The following B3GNT6 variants were observed in gnomAD, a reference collection of about 807,000 sequenced individuals.
B3GNT6 encodes the protein UDP-GlcNAc:betaGal beta-1,3-N-acetylglucosaminyltransferase 6.
For missense variants in B3GNT6, 624 were observed against 568.6 expected (o/e 1.10, Z -0.99); for synonymous variants, 300 against 270.0 (o/e 1.11, Z -1.09).
intron 1 of B3GNT6, among the ~76,000 whole-genome samples, chr11:77,036,246 G>C (rs782126691): frequency 6.6e-6 from 1 of 152,134 alleles, no homozygotes. Context: ...AGCTTATCTC[G>C]CAAGCCCTCT....
Position 77,040,954 on chromosome 11 carries a change from G to A in B3GNT6, c.*248G>A. Reference sequence around the variant, plus strand: ...ATTTTTTAAGTTCCTCCAGTGATGCGAATGTGCAGCTAGGCCTGAGGACCA... The same window carrying A: ...ATTTTTTAAGTTCCTCCAGTGATGCAAATGTGCAGCTAGGCCTGAGGACCA... On this transcript the variant is annotated 3_prime_UTR_variant, in exon 2 of 2. Transcript: ENST00000622824. 3 of 548,176 alleles carry A rather than the reference G, an allele frequency of 5.5e-6. No homozygotes were observed. The highest frequency in any genetic ancestry group is 5.9e-6 in the Non-Finnish European group (2 of 339,672). 34.0% of individuals were successfully genotyped at this position (548,176 alleles called of 1,614,324 possible).
chr11:77,038,328 G>A (rs1949655249), intron 1 of B3GNT6, among the ~76,000 whole-genome samples: 1 of 151,544 alleles, frequency 6.6e-6, no homozygotes, highest in South Asian at 2.1e-4. Flanking sequence ...TCGGGGCTGA[G>A]GTGGGAGGAT....
intron 1 of B3GNT6, among the ~76,000 whole-genome samples, chr11:77,034,772 T>G (rs1402790712): frequency 6.6e-6 from 1 of 152,162 alleles, no homozygotes; most frequent in Non-Finnish European, 1.5e-5. Context: ...TAGTATGGAA[T>G]GGGTGGGTGG....
rs372967129 is a variant in B3GNT6, at chr11:77,038,398, GA to G, written c.1-1135del. ...AATATAGTGGGAACCCGTCTCTACA[GA>G]AAAAAAAAAAAAAAAAAATTTAATG... On this transcript the variant is annotated intron_variant, in intron 1 of 1. Transcript: ENST00000622824. Among the ~76,000 whole-genome samples, 383 of 131,262 alleles carry G rather than the reference GA, an allele frequency of 2.9e-3. 1 individual carries two copies. Among genetic ancestry groups the G allele is most frequent in the South Asian group, 7.4e-3 (29 of 3,916 alleles). 86.1% of individuals were successfully genotyped at this position (131,262 alleles called of 152,430 possible). A position where few individuals can be genotyped will look rare whatever the true frequency, so the allele number is the denominator to read the frequency against.
At position 77,040,020 on chromosome 11, in the gene B3GNT6, T is replaced by C. The variant is rs1223622140; in HGVS notation, c.469T>C (p.Leu157=). The C allele has an allele frequency of 1.9e-6, 3 of 1,579,760 alleles. No individual in the cohort carries two copies. Among genetic ancestry groups the C allele is most frequent in the East Asian group, 2.3e-5 (1 of 43,610 alleles). Residue 157 remains leucine, a synonymous_variant, in exon 2 of 2, where the codon TTG becomes CTG. Transcript: ENST00000622824. ...GGRPVRRLFL[L]GTPGPEDEAR... ...GCGGCCAGTGCGCCGCCTCTTTCTATTGGGCACCCCGGGCCCCGAGGACGA... is the reference window on the plus strand; with the variant it reads ...GCGGCCAGTGCGCCGCCTCTTTCTACTGGGCACCCCGGGCCCCGAGGACGA...
intron 1 of B3GNT6, among the ~76,000 whole-genome samples, chr11:77,034,957 G>A (rs1032539770): frequency 1.1e-4 from 17 of 152,216 alleles, no homozygotes; most frequent in African/African-American, 3.6e-4. Context: ...TCAGGAGTTC[G>A]AGACCAGCCT....
At chr11:77,038,873 T>G (rs1181980913) in intron 1 of B3GNT6, among the ~76,000 whole-genome samples, 1 of 152,116 alleles carries the variant, frequency 6.6e-6, no homozygotes, top group African/African-American at 2.4e-5. Flanking sequence ...ACTGGCCACT[T>G]CATACTCATT....
intron 1 of B3GNT6, among the ~76,000 whole-genome samples, chr11:77,036,123 GT>G (rs1260050244): frequency 1.3e-5 from 2 of 152,112 alleles, no homozygotes; most frequent in African/African-American, 2.4e-5. Context: ...TCCAAATTCT[GT>G]TTTCATTCAT....
rs1949619128 is a variant in B3GNT6, at chr11:77,034,447, C to G, written c.-32C>G. On this transcript the variant is annotated 5_prime_UTR_variant, in exon 1 of 2. Transcript: ENST00000622824. ...GGCTAGTCTCAGGCTGGGGATGGCT[C>G]CTGTCTATTTCTTCTCTCTCAGAGA... The G allele has an allele frequency of 6.5e-6, 1 of 152,686 alleles. No individual in the cohort carries two copies. The highest frequency in any genetic ancestry group is 1.5e-5 in the Non-Finnish European group (1 of 68,154). The allele number at this position is 152,686 out of a possible 1,614,324, so 9.5% of individuals were successfully genotyped here. A position where few individuals can be genotyped will look rare whatever the true frequency, so the allele number is the denominator to read the frequency against.
At chr11:77,035,230 G>A (rs1301252969) in intron 1 of B3GNT6, among the ~76,000 whole-genome samples, 4 of 152,188 alleles carry the variant, frequency 2.6e-5, no homozygotes, top group African/African-American at 9.7e-5. Flanking sequence ...GCAGTTAGAG[G>A]ATCACAGAGG....
intron 1 of B3GNT6, among the ~76,000 whole-genome samples, chr11:77,036,318 C>G (rs979872174): frequency 6.6e-6 from 1 of 152,152 alleles, no homozygotes; most frequent in African/African-American, 2.4e-5. Context: ...ATATAATACT[C>G]TAGTATTTCT....
At chr11:77,039,322 G>C (rs1470521491) in intron 1 of B3GNT6, among the ~76,000 whole-genome samples, 1 of 152,174 alleles carries the variant, frequency 6.6e-6, no homozygotes, top group Non-Finnish European at 1.5e-5. Context: ...GGGCGGTGTT[G>C]TCAGGAGGCA....
chr11:77,040,630 C>T lies in B3GNT6; in HGVS notation c.1079C>T (p.Pro360Leu), dbSNP rs782430090. The change falls in exon 2 of 2, where the codon CCC (proline) becomes CTC (leucine). Residue 360 changes from proline (P) to leucine (L), a missense_variant. Pro to Leu is a moderately conservative substitution (Grantham distance 98). Coordinates refer to ENST00000622824, the MANE Select transcript of B3GNT6 (RefSeq NM_138706.5). ...TTGCTGCTAGTGCACCGCTTCGCGC[C>T]CTACGAGATGCTGCTCATGTGGAAG... Reference protein sequence around the residue: ...RELLLVHRFAPYEMLLMWKAL... With the variant: ...RELLLVHRFALYEMLLMWKAL... 3 of 1,600,552 alleles carry T rather than the reference C, an allele frequency of 1.9e-6. No homozygotes were observed. Among genetic ancestry groups the T allele is most frequent in the Non-Finnish European group, 2.5e-6 (3 of 1,179,120 alleles).
At position 77,040,029 on chromosome 11, in the gene B3GNT6, C is replaced by G; in HGVS notation, c.478C>G (p.Pro160Ala). The change falls in exon 2 of 2, where the codon CCG becomes GCG. Residue 160 changes from proline to alanine, a missense_variant. Coordinates refer to ENST00000622824, the MANE Select transcript of B3GNT6 (RefSeq NM_138706.5). Reference protein sequence around the residue: ...PVRRLFLLGTPGPEDEARAER... With the variant: ...PVRRLFLLGTAGPEDEARAER... ...GCGCCGCCTCTTTCTATTGGGCACC[C>G]CGGGCCCCGAGGACGAGGCGCGCGC... 6.3e-7 allele frequency: 1 copy of G among 1,578,980 alleles called. No individual in the cohort carries two copies. Among genetic ancestry groups the G allele is most frequent in the Non-Finnish European group, 8.5e-7 (1 of 1,171,210 alleles).
In B3GNT6 at chr11:77,040,674, C is replaced by T. The variant is rs1949680305; in HGVS notation, c.1123C>T (p.Leu375Phe). 1 of 1,594,974 alleles carries T rather than the reference C, an allele frequency of 6.3e-7. No homozygotes were observed. Among genetic ancestry groups the T allele is most frequent in the African/African-American group, 1.3e-5 (1 of 74,672 alleles). The part of the protein sequence containing the change: ...LMWKALHSPA[L>F]SCDRGHRVS Reference sequence around the variant, plus strand: ...GTGGAAGGCGCTGCACAGCCCCGCGCTCAGCTGTGACCGGGGACACCGGGT... The same window carrying T: ...GTGGAAGGCGCTGCACAGCCCCGCGTTCAGCTGTGACCGGGGACACCGGGT... The change falls in exon 2 of 2, where the codon CTC becomes TTC. Residue 375 changes from leucine to phenylalanine, a missense_variant. Coordinates refer to ENST00000622824, the MANE Select transcript of B3GNT6 (RefSeq NM_138706.5).
At chr11:77,035,984 A>G (rs950351259) in intron 1 of B3GNT6, among the ~76,000 whole-genome samples, 1 of 152,256 alleles carries the variant, frequency 6.6e-6, no homozygotes, top group Non-Finnish European at 1.5e-5. Flanking sequence ...GCACGTTAAC[A>G]TAAACAGGAT....
chr11:77,040,079 G>T lies in B3GNT6; in HGVS notation c.528G>T (p.Ala176=). The change falls in exon 2 of 2, where the codon GCG becomes GCT. Residue 176 remains alanine (A), a synonymous_variant. Coordinates refer to ENST00000622824, the MANE Select transcript of B3GNT6 (RefSeq NM_138706.5). ...ARAERLAELV[A]LEAREHGDVL... Reference sequence around the variant, plus strand: ...CGGAGCGGCTGGCGGAGCTGGTGGCGCTGGAGGCGCGCGAGCACGGCGACG... The same window carrying T: ...CGGAGCGGCTGGCGGAGCTGGTGGCTCTGGAGGCGCGCGAGCACGGCGACG... The T allele has an allele frequency of 6.3e-7, 1 of 1,586,212 alleles. No homozygotes were observed. The highest frequency in any genetic ancestry group is 2.3e-5 in the East Asian group (1 of 43,896).
chr11:77,039,649 C>T lies in B3GNT6; in HGVS notation c.98C>T (p.Ala33Val), dbSNP rs1555027395. The change falls in exon 2 of 2, where the codon GCG (alanine) becomes GTG (valine). Residue 33 changes from alanine to valine, a missense_variant. Coordinates refer to ENST00000622824, the MANE Select transcript of B3GNT6 (RefSeq NM_138706.5). ...FLALQQWFLQ[A>V]PRSPREERSP... ...GCACTGCAGCAGTGGTTCCTCCAGG[C>T]GCCAAGGTCCCCGCGGGAGGAGAGG... is the stretch of plus-strand genomic sequence containing the variant. 6.2e-7 allele frequency: 1 copy of T among 1,612,948 alleles called. No homozygotes were observed. The highest frequency in any genetic ancestry group is 1.1e-5 in the South Asian group (1 of 91,010).
chr11:77,040,061 G>T lies in B3GNT6; in HGVS notation c.510G>T (p.Arg170=). Residue 170 remains arginine (R), a synonymous_variant, in exon 2 of 2, where the codon CGG becomes CGT. Coordinates refer to ENST00000622824, the MANE Select transcript of B3GNT6 (RefSeq NM_138706.5). ...CCGAGGACGAGGCGCGCGCGGAGCG[G>T]CTGGCGGAGCTGGTGGCGCTGGAGG... ...PGPEDEARAE[R]LAELVALEAR... is the part of the protein sequence containing the mutation. 1 of 1,568,494 alleles carries T rather than the reference G, an allele frequency of 6.4e-7. No homozygotes were observed. Among genetic ancestry groups the T allele is most frequent in the South Asian group, 1.1e-5 (1 of 87,254 alleles).
Sources: gnomAD v4.1 joint callset for allele counts (sites outside exome capture counted in the v4.1 genomes callset) on GRCh38, gnomAD v4.1.1 for gene constraint, MANE v1.5 for transcripts, NCBI Gene and HGNC (gene_info 2026-07-23, HGNC 2026-07-21) for gene names.